Variants in GRM8 observed in about 807,000 individuals in gnomAD.
GRM8 encodes the protein glutamate metabotropic receptor 8.
GRM8 carries 47 observed loss-of-function variants against 87.2 expected under a neutral mutation model. The ratio of observed to expected loss-of-function variants is 0.54; its 90% confidence interval spans 0.43 to 0.69. GRM8 has a LOEUF of 0.69. Among genes scored for constraint, GRM8 ranks in the 30% least tolerant of loss-of-function variants. GRM8 has a pLI of 0.00. For synonymous variants in GRM8, 396 were observed against 404.5 expected, an observed-to-expected ratio of 0.98 and a Z score of 0.25; for missense variants, 1,019 against 1,139.2, an observed-to-expected ratio of 0.89 and a Z score of 1.52.
intron 7 of GRM8, among the ~76,000 whole-genome samples, chr7:126,747,287 T>C (rs546593065): frequency 6.6e-6 from 1 of 152,088 alleles, no homozygotes; most frequent in South Asian, 2.1e-4. Context: ...AATATTTTGT[T>C]GGACAAAAAA....
At chr7:127,058,178 CATA>C in intron 3 of GRM8, 1 of 517,382 alleles carries the variant, frequency 1.9e-6, no homozygotes, top group Non-Finnish European at 4.0e-6. Flanking sequence ...AATGTCATGG[CATA>C]ATATCATCAA....
intron 8 of GRM8, among the ~76,000 whole-genome samples, chr7:126,554,453 T>C (rs1388086660): frequency 6.6e-6 from 1 of 151,442 alleles, no homozygotes; most frequent in Non-Finnish European, 1.5e-5. Flanking sequence ...ATTAGCCTGA[T>C]GTGGTAGCAC....
chr7:126,589,092 C>T (rs1406404446), intron 8 of GRM8, among the ~76,000 whole-genome samples: 5 of 152,150 alleles, frequency 3.3e-5, no homozygotes, highest in African/African-American at 7.2e-5. Context: ...TGTAACAATT[C>T]CAACCAAACA....
At chr7:126,450,945 C>T (rs1408881146) in intron 9 of GRM8, among the ~76,000 whole-genome samples, 1 of 151,856 alleles carries the variant, frequency 6.6e-6, no homozygotes, top group African/African-American at 2.4e-5. Context: ...CCAAGACAAG[C>T]TTCATGGGTG....
intron 3 of GRM8, among the ~76,000 whole-genome samples, chr7:126,951,771 G>T (rs1563348036): frequency 6.6e-6 from 1 of 151,852 alleles, no homozygotes; most frequent in Non-Finnish European, 1.5e-5. Flanking sequence ...TACAAATAAA[G>T]ACAGGAAAAA....
At chr7:127,047,066 G>T (rs1458279763) in intron 3 of GRM8, among the ~76,000 whole-genome samples, 2 of 152,160 alleles carry the variant, frequency 1.3e-5, no homozygotes, top group East Asian at 3.8e-4. Flanking sequence ...TGAACATTTA[G>T]CAACAATATA....
chr7:126,824,745 A>G (rs1312875876), intron 6 of GRM8, among the ~76,000 whole-genome samples: 1 of 152,238 alleles, frequency 6.6e-6, no homozygotes, highest in Admixed American at 6.5e-5. Context: ...ATAGGAATAT[A>G]AGATTTTAAA....
chr7:126,952,972 A>T (rs971628314), intron 3 of GRM8, among the ~76,000 whole-genome samples: 2 of 152,176 alleles, frequency 1.3e-5, no homozygotes, highest in Non-Finnish European at 1.5e-5. Context: ...TATTATATCA[A>T]TGTTAATTTC....
At chr7:127,193,213 G>A (rs746917361) in intron 2 of GRM8, among the ~76,000 whole-genome samples, 10 of 152,284 alleles carry the variant, frequency 6.6e-5, no homozygotes, top group East Asian at 1.9e-4. Context: ...TTTAATACAT[G>A]TTGGTATTTT....
rs1344792138 is a variant in GRM8, at chr7:126,528,678, C to G, written c.2430+4274G>C. Among the ~76,000 whole-genome samples, 3 of 150,600 alleles carry G rather than the reference C, an allele frequency of 2.0e-5. No homozygotes were observed. In the Admixed American group the frequency reaches 2.0e-4, roughly 10 times the overall value. On this transcript the variant is annotated intron_variant, in intron 9 of 10. Transcript: ENST00000339582. ...TTTATTTTAAATAATCAACCCTTTTCCTGCTTTTCCCCAGAATATATGAAC... is the reference window on the plus strand; with the variant it reads ...TTTATTTTAAATAATCAACCCTTTTGCTGCTTTTCCCCAGAATATATGAAC...
At chr7:127,173,620 G>A (rs573307481) in intron 2 of GRM8, among the ~76,000 whole-genome samples, 2 of 152,288 alleles carry the variant, frequency 1.3e-5, no homozygotes, top group South Asian at 4.1e-4. Flanking sequence ...AACTCATGAT[G>A]TTTAAAACAG....
intron 6 of GRM8, among the ~76,000 whole-genome samples, chr7:126,798,374 A>G (rs1822226248): frequency 6.6e-6 from 1 of 152,138 alleles, no homozygotes; most frequent in Non-Finnish European, 1.5e-5. Context: ...GCAAAGAAAA[A>G]CTAGGTAAAA....
At chr7:126,588,259 G>T (rs1453303151) in intron 8 of GRM8, among the ~76,000 whole-genome samples, 1 of 152,188 alleles carries the variant, frequency 6.6e-6, no homozygotes, top group East Asian at 1.9e-4. Context: ...TGGATACTCA[G>T]TAAGAGTTTG....
intron 7 of GRM8, among the ~76,000 whole-genome samples, chr7:126,739,811 G>A (rs1272146009): frequency 6.6e-6 from 1 of 151,984 alleles, no homozygotes; most frequent in Admixed American, 6.6e-5. Context: ...AATTTTCTAT[G>A]TTTAGATAGG....
intron 7 of GRM8, among the ~76,000 whole-genome samples, chr7:126,689,534 T>G (rs923902204): frequency 6.6e-6 from 1 of 152,136 alleles, no homozygotes; most frequent in Non-Finnish European, 1.5e-5. Flanking sequence ...ATGGCGCTGA[T>G]CTCAAAAAAA....
intron 3 of GRM8, among the ~76,000 whole-genome samples, chr7:126,986,926 A>G (rs935795359): frequency 6.6e-6 from 1 of 152,244 alleles, no homozygotes; most frequent in African/African-American, 2.4e-5. Context: ...ATATTAATTC[A>G]TCTAATCCTC....
intron 3 of GRM8, among the ~76,000 whole-genome samples, chr7:126,999,601 AAAG>A (rs1813521912): frequency 2.0e-5 from 3 of 152,052 alleles, no homozygotes; most frequent in African/African-American, 7.2e-5. Flanking sequence ...ACATTTCTCA[AAAG>A]AAGACAAATG....
chr7:126,546,883 A>C (rs1249510640), intron 8 of GRM8, among the ~76,000 whole-genome samples: 1 of 152,218 alleles, frequency 6.6e-6, no homozygotes, highest in Non-Finnish European at 1.5e-5. Context: ...TCTTGCTACA[A>C]AGTAAATCAA....
intron 7 of GRM8, among the ~76,000 whole-genome samples, chr7:126,738,985 G>A (rs1452365215): frequency 6.6e-6 from 1 of 151,866 alleles, no homozygotes; most frequent in African/African-American, 2.4e-5. Context: ...GGAGCCTTCA[G>A]CAACGTGCAA....
Sources: gnomAD v4.1 joint callset for allele counts (sites outside exome capture counted in the v4.1 genomes callset) on GRCh38, gnomAD v4.1.1 for gene constraint, MANE v1.5 for transcripts, NCBI Gene and HGNC (gene_info 2026-07-23, HGNC 2026-07-21) for gene names.